Variants in DGKD observed in about 807,000 individuals in gnomAD.
DGKD encodes diacylglycerol kinase delta.
In DGKD, 68 loss-of-function variants were observed where a neutral mutation model predicts 154.4. The ratio of observed to expected loss-of-function variants is 0.44; its 90% CI spans 0.36 to 0.54. DGKD has a LOEUF of 0.54. Ranked by LOEUF, DGKD falls within the 20% of genes least tolerant of loss-of-function variation. The pLI is 0.00. For synonymous variants in DGKD, 693 were observed against 638.0 expected, an observed-to-expected ratio of 1.09 and a Z score of -1.30; for missense variants, 1,343 against 1,593.6, an observed-to-expected ratio of 0.84 and a Z score of 2.68.
chr2:233,462,627 G>T lies in DGKD; in HGVS notation c.3094-16G>T, dbSNP rs1370616694. On this transcript the variant is annotated splice_polypyrimidine_tract_variant and intron_variant, in intron 25 of 29. Coordinates refer to ENST00000264057, the MANE Select transcript of DGKD (RefSeq NM_152879.3). ...CGGCCCCCCGCCCCCATGCATATTT[G>T]CCTGGTTTCTTCTAGGGGCTCAACT... 4.3e-6 allele frequency: 7 copies of T among 1,612,830 alleles called. No individual in the cohort carries two copies. Among genetic ancestry groups the T allele is most frequent in the Non-Finnish European group, 5.9e-6 (7 of 1,179,008 alleles).
rs1180645417 is a variant in DGKD at position 233,449,005 on chromosome 2, G to T, written c.1615-98G>T. 7.0e-7 allele frequency: 1 copy of T among 1,418,820 alleles called. No homozygotes were observed. The allele number at this position is 1,418,820 out of a possible 1,614,324, so 87.9% of individuals were successfully genotyped here. On this transcript the variant is annotated intron_variant, in intron 14 of 29. Coordinates refer to ENST00000264057, the MANE Select transcript of DGKD (RefSeq NM_152879.3). This position sits in a 1 kb window ranked among gnomAD's most constrained non-coding sequence, Gnocchi z 5.3. Reference sequence around the variant, plus strand: ...GAGAGTTAGGATTTTCCTTTTGATCGAGTTCTAGGAAGTCTGGGTGAAATG... The same window carrying T: ...GAGAGTTAGGATTTTCCTTTTGATCTAGTTCTAGGAAGTCTGGGTGAAATG...
chr2:233,395,722 G>T (rs1204707373), intron 3 of DGKD, among the ~76,000 whole-genome samples: 1 of 148,380 alleles, frequency 6.7e-6, no homozygotes, highest in Non-Finnish European at 1.5e-5. Context: ...GGGCTGGAGT[G>T]CAGTGGCATG....
At chr2:233,371,835 T>C (rs1479162278) in intron 1 of DGKD, among the ~76,000 whole-genome samples, 1 of 152,206 alleles carries the variant, frequency 6.6e-6, no homozygotes, top group Non-Finnish European at 1.5e-5. Flanking sequence ...CAGACAGCCC[T>C]GCAGTATTGA....
At chr2:233,367,123 T>C (rs1449203335) in intron 1 of DGKD, among the ~76,000 whole-genome samples, 1 of 152,208 alleles carries the variant, frequency 6.6e-6, no homozygotes, top group Non-Finnish European at 1.5e-5. Flanking sequence ...GTTATCTCTT[T>C]AGTTTGTTAA....
chr2:233,389,986 A>G (rs962083423), intron 2 of DGKD, among the ~76,000 whole-genome samples: 5 of 152,206 alleles, frequency 3.3e-5, no homozygotes, highest in Middle Eastern at 3.2e-3. Flanking sequence ...GGAACAAGCC[A>G]GGAGGACACG....
rs1328099322 is a variant in DGKD, at chr2:233,438,086, C to T, written c.923-131C>T. Reference sequence around the variant, plus strand: ...CTGTGGGGAACTGTTCACTGACCTCCTCCTGACTTACAGGTGTGCATGTGT... The same window carrying T: ...CTGTGGGGAACTGTTCACTGACCTCTTCCTGACTTACAGGTGTGCATGTGT... On this transcript the variant is annotated intron_variant, in intron 8 of 29. Transcript: ENST00000264057. This position sits in a 1 kb window ranked among gnomAD's most constrained non-coding sequence, Gnocchi z 4.1. 1 of 1,046,526 alleles carries T rather than the reference C, an allele frequency of 9.6e-7. No individual in the cohort carries two copies. 64.8% of individuals were successfully genotyped at this position (1,046,526 alleles called of 1,614,324 possible). A position where few individuals can be genotyped will look rare whatever the true frequency, so the allele number is the denominator to read the frequency against.
rs2063757621 is a variant in DGKD, at chr2:233,464,222, A to G, written c.3245A>G (p.Gln1082Arg). ...AGTGCTCTTGCCGAGATGGACCGAC[A>G]GCTCAGGAGGCTGGCAGACACCCCG... ...LGSALAEMDR[Q>R]LRRLADTPWL... The change falls in exon 27 of 30, where the codon CAG (glutamine) becomes CGG (arginine). Residue 1082 changes from glutamine to arginine, a missense_variant. Transcript: ENST00000264057. 5.0e-6 allele frequency: 8 copies of G among 1,613,668 alleles called. No individual in the cohort carries two copies. Among genetic ancestry groups the G allele is most frequent in the Non-Finnish European group, 6.8e-6 (8 of 1,180,024 alleles).
At chr2:233,394,990 A>G (rs1343604271) in intron 3 of DGKD, among the ~76,000 whole-genome samples, 1 of 151,906 alleles carries the variant, frequency 6.6e-6, no homozygotes, top group Non-Finnish European at 1.5e-5. Context: ...GCATGAGCCG[A>G]TGTGCCTTGC....
intron 7 of DGKD, 72 bp from the exon 8 acceptor site, chr2:233,437,305 C>T: frequency 7.0e-7 from 1 of 1,420,416 alleles, no homozygotes; most frequent in South Asian, 1.2e-5. Flanking sequence ...TCATCAGCTA[C>T]AGGGCAGGAG....
intron 5 of DGKD, 72 bp from the exon 6 acceptor site, chr2:233,435,746 A>G (rs2062670216): frequency 4.1e-6 from 6 of 1,448,780 alleles, no homozygotes; most frequent in Admixed American, 2.4e-5. Context: ...GACGGTTCTC[A>G]CAACACTGCT....
At chr2:233,407,355 A>G (rs570999992) in intron 3 of DGKD, among the ~76,000 whole-genome samples, 2 of 152,396 alleles carry the variant, frequency 1.3e-5, no homozygotes, top group South Asian at 2.1e-4. Context: ...GGTATAATCA[A>G]TACAAACAGG....
chr2:233,371,957 G>A (rs1168861317), intron 1 of DGKD, among the ~76,000 whole-genome samples: 2 of 152,204 alleles, frequency 1.3e-5, no homozygotes, highest in Admixed American at 1.3e-4. Flanking sequence ...CATATTTAAA[G>A]AGTTTAAAAG....
rs1005319851 is a variant in DGKD, at chr2:233,441,279, C to T, written c.1086-608C>T. Among the ~76,000 whole-genome samples the T allele has an allele frequency of 6.6e-6, 1 of 152,088 alleles. No homozygotes were observed. The highest frequency in any genetic ancestry group is 2.4e-5 in the African/African-American group (1 of 41,410). On this transcript the variant is annotated intron_variant, in intron 9 of 29. Coordinates refer to ENST00000264057, the MANE Select transcript of DGKD (RefSeq NM_152879.3). This position sits in a 1 kb window ranked among gnomAD's most constrained non-coding sequence, Gnocchi z 5.6. The stretch of plus-strand genomic sequence containing the variant: ...AGGGTAGGAGGCGTGGGTCACATCA[C>T]CGGAGGACTGAGTGGGCCCAGGCAT...
At position 233,438,755 on chromosome 2, in the gene DGKD, CATCT is replaced by C. The variant is rs3835771; in HGVS notation, c.1085+433_1085+436del. On this transcript the variant is annotated intron_variant, in intron 9 of 29. Coordinates refer to ENST00000264057, the MANE Select transcript of DGKD (RefSeq NM_152879.3). The surrounding 1 kb of genome is among the most constrained non-coding windows in gnomAD (Gnocchi z 4.1). ...ATTTTTTATTTATCTGTCTATCTAT[CATCT>C]ATCTATCTATCTATCTATCTATCTA... 0.24 allele frequency among the ~76,000 whole-genome samples: 31,838 copies of C among 131,780 alleles called. 3,465 individuals carry two copies. Among genetic ancestry groups the C allele is most frequent in the East Asian group, 0.33 (1,592 of 4,774 alleles). 86.5% of individuals were successfully genotyped at this position (131,780 alleles called of 152,430 possible).
At position 233,438,454 on chromosome 2, in the gene DGKD, A is replaced by T; in HGVS notation, c.1085+75A>T. The T allele has an allele frequency of 1.3e-6, 2 of 1,498,202 alleles. No individual in the cohort carries two copies. Among genetic ancestry groups the T allele is most frequent in the Non-Finnish European group, 1.8e-6 (2 of 1,115,066 alleles). 92.8% of individuals were successfully genotyped at this position (1,498,202 alleles called of 1,614,324 possible). A position where few individuals can be genotyped will look rare whatever the true frequency, so the allele number is the denominator to read the frequency against. Reference sequence around the variant, plus strand: ...GATAGTGTGTGCTTGTTAAAAAAAAAAAGTTCAAAGACACAAAGCTTTAAA... The same window carrying T: ...GATAGTGTGTGCTTGTTAAAAAAAATAAGTTCAAAGACACAAAGCTTTAAA... On this transcript the variant is annotated intron_variant, in intron 9 of 29. Transcript: ENST00000264057. This position sits in a 1 kb window ranked among gnomAD's most constrained non-coding sequence, Gnocchi z 4.1.
At chr2:233,365,411 G>A (rs1017675136) in intron 1 of DGKD, among the ~76,000 whole-genome samples, 4 of 151,924 alleles carry the variant, frequency 2.6e-5, no homozygotes, top group African/African-American at 7.2e-5. Flanking sequence ...GCTAATTTTT[G>A]TATTTTTAAT....
chr2:233,450,807 T>C (rs1374277877), intron 16 of DGKD, 115 bp from the exon 17 acceptor site: 2 of 1,337,192 alleles, frequency 1.5e-6, no homozygotes, highest in South Asian at 1.4e-5. Flanking sequence ...CAACTGCCTG[T>C]GGTTTGCAGC....
intron 16 of DGKD, 37 bp from the exon 17 acceptor site, chr2:233,450,885 C>G: frequency 2.5e-6 from 4 of 1,579,610 alleles, no homozygotes; most frequent in Non-Finnish European, 3.5e-6. Context: ...AGTCTCTATT[C>G]CACACAGCTG....
rs142382346 is a variant in DGKD at position 233,402,712 on chromosome 2, C to T, written c.348+12229C>T. On this transcript the variant is annotated intron_variant, in intron 3 of 29. Transcript: ENST00000264057. ...GTGTGTGCGCTTTTAGCGAGTTTGC[C>T]AGCTGGAAAACTTGTTTATCCCAGA... Among the ~76,000 whole-genome samples, 7 of 152,340 alleles carry T rather than the reference C, an allele frequency of 4.6e-5. No individual in the cohort carries two copies. The East Asian group carries it at 1.2e-3, about 25-fold the overall frequency.
Sources: allele counts gnomAD v4.1 joint callset (sites outside exome capture counted in the v4.1 genomes callset), GRCh38; gene constraint gnomAD v4.1.1; non-coding constraint Gnocchi (gnomAD v3.1); transcripts MANE v1.5; gene names NCBI Gene and HGNC (gene_info 2026-07-23, HGNC 2026-07-21).